Variants in TENM2 observed in about 807,000 individuals in gnomAD.
The protein encoded by TENM2 is teneurin-2.
TENM2 carries 52 observed loss-of-function variants against 245.2 expected under a neutral mutation model. The ratio of observed to expected loss-of-function variants is 0.21; its 90% confidence interval spans 0.17 to 0.27. The LOEUF (loss-of-function observed/expected upper bound fraction) is 0.27. Among genes scored for constraint, TENM2 ranks in the 10% least tolerant of loss-of-function variants. TENM2 has a pLI of 1.00. For missense variants in TENM2, 3,046 were observed against 3,666.8 expected, an observed-to-expected ratio of 0.83 and a Z score of 4.37; for synonymous variants, 1,363 against 1,438.9, an observed-to-expected ratio of 0.95 and a Z score of 1.19.
At chr5:167,460,097 C>A (rs1010450664) in intron 2 of TENM2, among the ~76,000 whole-genome samples, 12 of 152,074 alleles carry the variant, frequency 7.9e-5, no homozygotes, top group African/African-American at 2.9e-4. Flanking sequence ...TAGAGATACA[C>A]CCTCTCACAT....
At chr5:167,762,443 G>T (rs1762742871) in intron 2 of TENM2, among the ~76,000 whole-genome samples, 1 of 152,208 alleles carries the variant, frequency 6.6e-6, no homozygotes, top group Non-Finnish European at 1.5e-5. Flanking sequence ...CTAGAGAGAT[G>T]CTTCCCTCCC....
intron 4 of TENM2, among the ~76,000 whole-genome samples, chr5:167,966,761 C>T (rs1421106887): frequency 6.6e-6 from 1 of 152,186 alleles, no homozygotes; most frequent in Non-Finnish European, 1.5e-5. Context: ...TAAACCTAGG[C>T]AACCTGTTTG....
intron 4 of TENM2, among the ~76,000 whole-genome samples, chr5:167,972,639 A>G (rs939313609): frequency 2.6e-5 from 4 of 152,100 alleles, no homozygotes; most frequent in African/African-American, 4.8e-5. Flanking sequence ...ATTTTGATCG[A>G]TTGTGCCAAA....
the TENM2 span, among the ~76,000 whole-genome samples, chr5:167,098,462 C>G: frequency 6.6e-6 from 1 of 152,186 alleles, no homozygotes; most frequent in Non-Finnish European, 1.5e-5. Flanking sequence ...AGATTTGGGT[C>G]CTACACCCTG....
chr5:167,175,047 G>A, the TENM2 span, among the ~76,000 whole-genome samples: 1 of 151,894 alleles, frequency 6.6e-6, no homozygotes, highest in African/African-American at 2.4e-5. Context: ...ACATGCTATA[G>A]ATACCATAAT....
the TENM2 span, among the ~76,000 whole-genome samples, chr5:167,149,448 A>G: frequency 6.6e-6 from 1 of 152,158 alleles, no homozygotes; most frequent in South Asian, 2.1e-4. Flanking sequence ...AAAGAAGATT[A>G]CATTCCTGAA....
intron 2 of TENM2, among the ~76,000 whole-genome samples, chr5:167,499,672 T>C (rs577562373): frequency 6.6e-6 from 1 of 152,280 alleles, no homozygotes; most frequent in African/African-American, 2.4e-5. Context: ...CTACCCACTA[T>C]TGTACATTAA....
At chr5:167,154,573 A>G in the TENM2 span, among the ~76,000 whole-genome samples, 1 of 152,226 alleles carries the variant, frequency 6.6e-6, no homozygotes, top group Non-Finnish European at 1.5e-5. Flanking sequence ...TCGAGGACAG[A>G]TGACATGATG....
chr5:167,148,294 C>T, the TENM2 span, among the ~76,000 whole-genome samples: 2 of 152,054 alleles, frequency 1.3e-5, no homozygotes, highest in African/African-American at 4.8e-5. Context: ...TACTTTTTCC[C>T]CTATGAAAAT....
At chr5:167,161,307 AC>A in the TENM2 span, among the ~76,000 whole-genome samples, 1 of 152,298 alleles carries the variant, frequency 6.6e-6, no homozygotes, top group East Asian at 1.9e-4. Flanking sequence ...ACTCGACTAT[AC>A]CCTGCTTCTC....
At chr5:167,591,085 A>G (rs1039819761) in intron 2 of TENM2, among the ~76,000 whole-genome samples, 9 of 152,206 alleles carry the variant, frequency 5.9e-5, no homozygotes, top group African/African-American at 2.2e-4. Flanking sequence ...GAGAGTTCTC[A>G]TTGCTCTAGC....
intron 2 of TENM2, among the ~76,000 whole-genome samples, chr5:167,379,975 G>A (rs1761001719): frequency 6.7e-6 from 1 of 148,398 alleles, no homozygotes; most frequent in Admixed American, 6.7e-5. Flanking sequence ...CCATTTGGAT[G>A]ACATTGATTT....
intron 5 of TENM2, among the ~76,000 whole-genome samples, chr5:168,008,771 A>T (rs1284526545): frequency 6.6e-6 from 1 of 152,238 alleles, no homozygotes; most frequent in African/African-American, 2.4e-5. Flanking sequence ...CTGAAAAATT[A>T]AAAATTAACC....
chr5:168,124,898 G>C (rs761784198), exon 11 of TENM2: 1 of 1,613,214 alleles, frequency 6.2e-7, no homozygotes, highest in South Asian at 1.1e-5. Flanking sequence ...TGTGTGAATG[G>C]AGAATGCCTG....
In TENM2 at chr5:168,006,298, A is replaced by G. The variant is rs570746265; in HGVS notation, c.1186+13116A>G. 4.6e-5 allele frequency among the ~76,000 whole-genome samples: 7 copies of G among 152,326 alleles called. No individual in the cohort carries two copies. In the South Asian group the frequency reaches 1.5e-3, roughly 32 times the overall value. ...CCCTAAAGCTGAATGGGAAGACTTAACATCGCTACCCTGAACCACATGACT... is the reference window on the plus strand; with the variant it reads ...CCCTAAAGCTGAATGGGAAGACTTAGCATCGCTACCCTGAACCACATGACT... On this transcript the variant is annotated intron_variant, in intron 5 of 28. Coordinates refer to ENST00000518659, the Ensembl canonical transcript of TENM2.
At chr5:167,508,597 G>C (rs1769715739) in intron 2 of TENM2, among the ~76,000 whole-genome samples, 1 of 152,182 alleles carries the variant, frequency 6.6e-6, no homozygotes, top group Non-Finnish European at 1.5e-5. Flanking sequence ...TGTGAGGCAT[G>C]CATGCAAGGT....
chr5:167,434,328 C>T (rs56927455), intron 2 of TENM2, among the ~76,000 whole-genome samples: 2 of 137,730 alleles, frequency 1.5e-5, no homozygotes, highest in Admixed American at 1.6e-4. Flanking sequence ...GTAGGAGAAT[C>T]GATTGAACCC....
At chr5:167,417,771 T>C (rs934934508) in intron 2 of TENM2, among the ~76,000 whole-genome samples, 2 of 152,164 alleles carry the variant, frequency 1.3e-5, no homozygotes, top group African/African-American at 4.8e-5. Context: ...TCTGACTTTG[T>C]AGTGAAACCA....
intron 8 of TENM2, among the ~76,000 whole-genome samples, chr5:168,097,261 A>G (rs1240454085): frequency 6.6e-6 from 1 of 152,136 alleles, no homozygotes; most frequent in Non-Finnish European, 1.5e-5. Flanking sequence ...AAGGCTAAAA[A>G]CTGATACCCT....
Sources: allele counts gnomAD v4.1 joint callset (sites outside exome capture counted in the v4.1 genomes callset), GRCh38; gene constraint gnomAD v4.1.1; transcripts MANE v1.5; gene names NCBI Gene and HGNC (gene_info 2026-07-23, HGNC 2026-07-21).